The following MLLT3 variants were observed in gnomAD, a reference collection of about 807,000 sequenced individuals.
MLLT3 encodes the protein protein AF-9.
A neutral mutation model predicts 53.2 loss-of-function variants in MLLT3; 4 were observed. The ratio of observed to expected loss-of-function variants is 0.08; its 90% confidence interval spans 0.04 to 0.17. The LOEUF (loss-of-function observed/expected upper bound fraction) is 0.17, where lower values mean the gene tolerates loss of function less well. Ranked by LOEUF, MLLT3 falls within the 10% of genes least tolerant of loss-of-function variation. MLLT3 has a pLI of 1.00. For missense variants in MLLT3, 569 were observed against 684.0 expected (o/e 0.83, Z 1.87); for synonymous variants, 283 against 230.6 (o/e 1.23, Z -2.06).
At chr9:20,482,059 A>G (rs937293756) in intron 2 of MLLT3, among the ~76,000 whole-genome samples, 1 of 152,198 alleles carries the variant, frequency 6.6e-6, no homozygotes, top group African/African-American at 2.4e-5. Context: ...TTTAGACATT[A>G]TCTCCCAATC....
intron 2 of MLLT3, among the ~76,000 whole-genome samples, chr9:20,498,904 T>C (rs1454205343): frequency 1.3e-5 from 2 of 152,240 alleles, no homozygotes; most frequent in Non-Finnish European, 2.9e-5. Flanking sequence ...ATTAGATTCC[T>C]AGGGCTATTG....
intron 2 of MLLT3, among the ~76,000 whole-genome samples, chr9:20,514,970 G>A (rs952897613): frequency 2.2e-5 from 3 of 133,616 alleles, no homozygotes; most frequent in Admixed American, 8.2e-5. Flanking sequence ...TTTTTGAGAC[G>A]GAGTCTTGCA....
In MLLT3 at chr9:20,434,837, C is replaced by G. The variant is rs571622099; in HGVS notation, c.420+13286G>C. Reference sequence around the variant, plus strand: ...TCCTCTCAACTAAAATATATTGTCTCGGTTGCAGAAAAAAGACAATAAACT... The same window carrying G: ...TCCTCTCAACTAAAATATATTGTCTGGGTTGCAGAAAAAAGACAATAAACT... On this transcript the variant is annotated intron_variant, in intron 4 of 10. Coordinates refer to ENST00000380338, the MANE Select transcript of MLLT3 (RefSeq NM_004529.4). 2.0e-5 allele frequency among the ~76,000 whole-genome samples: 3 copies of G among 152,004 alleles called. No individual in the cohort carries two copies. In the Middle Eastern group the frequency reaches 0.01, roughly 517 times the overall value.
chr9:20,504,234 T>C (rs191219237), intron 2 of MLLT3, among the ~76,000 whole-genome samples: 1 of 152,302 alleles, frequency 6.6e-6, no homozygotes, highest in Non-Finnish European at 1.5e-5. Flanking sequence ...AAAAGATATC[T>C]GTACTTCCAT....
intron 2 of MLLT3, among the ~76,000 whole-genome samples, chr9:20,596,555 G>A (rs138498600): frequency 0.01 from 1,565 of 152,244 alleles, 32 homozygotes; most frequent in African/African-American, 0.036. Flanking sequence ...GCTGGGCATG[G>A]TGGTGCATGC....
chr9:20,463,176 A>G (rs546031692), intron 2 of MLLT3, among the ~76,000 whole-genome samples: 6 of 152,092 alleles, frequency 3.9e-5, no homozygotes, highest in Non-Finnish European at 8.8e-5. Flanking sequence ...AATTGGCTAT[A>G]TTGCAAAAAT....
chr9:20,474,839 T>C (rs369938972), intron 2 of MLLT3, among the ~76,000 whole-genome samples: 1 of 152,224 alleles, frequency 6.6e-6, no homozygotes, highest in South Asian at 2.1e-4. Flanking sequence ...ATATATCTAT[T>C]CCAAATCTCA....
chr9:20,456,009 G>A (rs574580745), intron 3 of MLLT3, among the ~76,000 whole-genome samples: 27 of 150,642 alleles, frequency 1.8e-4, no homozygotes, highest in Admixed American at 1.8e-3. Flanking sequence ...TGCGATCTCG[G>A]CTCACTGCCA....
intron 4 of MLLT3, among the ~76,000 whole-genome samples, chr9:20,430,085 A>G (rs1823229293): frequency 6.6e-6 from 1 of 152,174 alleles, no homozygotes; most frequent in Non-Finnish European, 1.5e-5. Flanking sequence ...ATATTTACAC[A>G]TCAGGAACAA....
intron 2 of MLLT3, among the ~76,000 whole-genome samples, chr9:20,598,200 A>G (rs1167935505): frequency 6.6e-6 from 1 of 152,258 alleles, no homozygotes; most frequent in Admixed American, 6.5e-5. Flanking sequence ...CAAAAATGAT[A>G]TAAAATATGA....
chr9:20,413,891 T>C lies in MLLT3; in HGVS notation c.955A>G (p.Thr319Ala), dbSNP rs1348400692. The change falls in exon 5 of 11, where the codon ACT becomes GCT. Residue 319 changes from threonine (T) to alanine (A), a missense_variant. Thr to Ala is a moderately conservative substitution (Grantham distance 58). Transcript: ENST00000380338. The part of the protein sequence containing the change: ...SFSSAPPLIL[T>A]CSADKKQIKD... ...ATCTGTTTTTTGTCAGCAGAACAAG[T>C]GAGTATCAGTGGTGGTGCGCTAGAA... 4 of 1,613,996 alleles carry C rather than the reference T, an allele frequency of 2.5e-6. No homozygotes were observed. The South Asian group carries it at 3.3e-5, about 13-fold the overall frequency.
At chr9:20,556,020 G>A (rs1285437787) in intron 2 of MLLT3, among the ~76,000 whole-genome samples, 2 of 151,916 alleles carry the variant, frequency 1.3e-5, no homozygotes, top group Non-Finnish European at 2.9e-5. Flanking sequence ...TTTTTGACAA[G>A]TTTTTTCAGT....
chr9:20,489,705 T>G (rs1022309920), intron 2 of MLLT3, among the ~76,000 whole-genome samples: 5 of 152,170 alleles, frequency 3.3e-5, no homozygotes, highest in East Asian at 1.9e-4. Context: ...AAAAGCACAA[T>G]GCAAAACAAC....
In MLLT3 at chr9:20,621,944, G is replaced by A. The variant is rs1821026725; in HGVS notation, c.12+301C>T. ...GTGAGTGCGCGCGTGTGAGCGAGAG[G>A]GAGTGTGTGAGTGCGCTTCTTGTGA... On this transcript the variant is annotated intron_variant, in intron 1 of 10. Coordinates refer to ENST00000380338, the MANE Select transcript of MLLT3 (RefSeq NM_004529.4). This position sits in a 1 kb window ranked among gnomAD's most constrained non-coding sequence, Gnocchi z 7.0. 12 of 1,389,632 alleles carry A rather than the reference G, an allele frequency of 8.6e-6. No homozygotes were observed. The highest frequency in any genetic ancestry group is 1.5e-5 in the African/African-American group (1 of 66,192). 86.1% of individuals were successfully genotyped at this position (1,389,632 alleles called of 1,614,324 possible).
At chr9:20,582,153 G>A (rs1003197039) in intron 2 of MLLT3, among the ~76,000 whole-genome samples, 1 of 151,932 alleles carries the variant, frequency 6.6e-6, no homozygotes, top group African/African-American at 2.4e-5. Context: ...ACTCTACCTG[G>A]CTCTCATTTT....
In MLLT3 at chr9:20,584,633, C is replaced by G. The variant is rs151146804; in HGVS notation, c.193+36021G>C. Among the ~76,000 whole-genome samples, 274 of 152,266 alleles carry G rather than the reference C, an allele frequency of 1.8e-3. 1 individual carries two copies. Among genetic ancestry groups the G allele is most frequent in the Non-Finnish European group, 3.1e-3 (209 of 68,014 alleles). On this transcript the variant is annotated intron_variant, in intron 2 of 10. Transcript: ENST00000380338. ...GAGGAAGAAGCAAAAGTGGAAACCTCTGATAAACCCATCAGATCTCACGAG... is the reference window on the plus strand; with the variant it reads ...GAGGAAGAAGCAAAAGTGGAAACCTGTGATAAACCCATCAGATCTCACGAG...
intron 2 of MLLT3, among the ~76,000 whole-genome samples, chr9:20,592,802 A>T (rs1385998459): frequency 6.6e-6 from 1 of 152,166 alleles, no homozygotes; most frequent in East Asian, 1.9e-4. Flanking sequence ...CAGCCATACG[A>T]TTACCAGGAG....
intron 4 of MLLT3, among the ~76,000 whole-genome samples, chr9:20,425,940 G>C (rs543527934): frequency 1.3e-5 from 2 of 152,002 alleles, no homozygotes; most frequent in African/African-American, 4.8e-5. Context: ...TAAGTGTAAA[G>C]TACTGATTGG....
chr9:20,546,184 G>T (rs1818782464), intron 2 of MLLT3, among the ~76,000 whole-genome samples: 1 of 152,080 alleles, frequency 6.6e-6, no homozygotes, highest in Non-Finnish European at 1.5e-5. Context: ...TTATCAAAAT[G>T]CTTCCAAAGA....
Sources: gnomAD v4.1 joint callset for allele counts (sites outside exome capture counted in the v4.1 genomes callset) on GRCh38, gnomAD v4.1.1 for gene constraint, Gnocchi (gnomAD v3.1) non-coding constraint, MANE v1.5 for transcripts, NCBI Gene and HGNC (gene_info 2026-07-23, HGNC 2026-07-21) for gene names.